Variants in PEAK1 observed in about 807,000 individuals in gnomAD.
PEAK1 encodes inactive tyrosine-protein kinase PEAK1.
A neutral mutation model predicts 124.7 loss-of-function variants in PEAK1; 54 were observed. The ratio of observed to expected loss-of-function variants is 0.43; its 90% CI spans 0.35 to 0.54. The LOEUF is 0.54. Ranked by LOEUF, PEAK1 falls within the 20% of genes least tolerant of loss-of-function variation. PEAK1 has a pLI of 0.01. For missense variants in PEAK1, 2,046 were observed against 2,134.5 expected (o/e 0.96, Z 0.82); for synonymous variants, 719 against 760.0 (o/e 0.95, Z 0.89).
At chr15:77,247,555 C>T (rs1204700212) in intron 6 of PEAK1, among the ~76,000 whole-genome samples, 5 of 134,174 alleles carry the variant, frequency 3.7e-5, no homozygotes, top group Non-Finnish European at 6.2e-5. Context: ...ATGGCACAAC[C>T]TCCACCTCCT....
rs1255975095 is a variant in PEAK1 at position 77,111,172 on chromosome 15, A to G, written c.*2984T>C. The G allele has an allele frequency of 2.0e-5, 3 of 152,266 alleles. No individual in the cohort carries two copies. The highest frequency in any genetic ancestry group is 4.8e-5 in the African/African-American group (2 of 41,476). 9.4% of individuals were successfully genotyped at this position (152,266 alleles called of 1,614,324 possible). A position where few individuals can be genotyped will look rare whatever the true frequency, so the allele number is the denominator to read the frequency against. ...CAATTTCCAATCAATATTGAAGGCA[A>G]TAACTTCCTGTTACTTGAGAAAATG... is the stretch of plus-strand genomic sequence containing the variant. On this transcript the variant is annotated 3_prime_UTR_variant, in exon 10 of 10. Transcript: ENST00000682557.
At chr15:77,417,806 G>A (rs2073010527) in intron 1 of PEAK1, 1 of 985,272 alleles carries the variant, frequency 1.0e-6, no homozygotes, top group African/African-American at 1.7e-5. Flanking sequence ...CAATTTAGAA[G>A]AGTTATTATA....
intron 6 of PEAK1, among the ~76,000 whole-genome samples, chr15:77,199,628 A>G (rs1017363586): frequency 2.0e-4 from 31 of 152,240 alleles, no homozygotes; most frequent in African/African-American, 7.5e-4. Context: ...GAGTTAATCA[A>G]AGAAATCATG....
chr15:77,192,680 A>G (rs2057896596), intron 6 of PEAK1, among the ~76,000 whole-genome samples: 1 of 152,326 alleles, frequency 6.6e-6, no homozygotes, highest in South Asian at 2.1e-4. Flanking sequence ...TGGGTGCCAG[A>G]GCACTAGGAG....
intron 6 of PEAK1, among the ~76,000 whole-genome samples, chr15:77,188,152 A>T (rs1406833317): frequency 1.3e-5 from 2 of 152,342 alleles, no homozygotes; most frequent in African/African-American, 4.8e-5. Flanking sequence ...TGAAAAAAAA[A>T]ATTATCATTC....
chr15:77,364,995 T>C (rs556564870), intron 2 of PEAK1, among the ~76,000 whole-genome samples, 168 bp downstream of exon 2: 27 of 152,356 alleles, frequency 1.8e-4, no homozygotes, highest in African/African-American at 6.3e-4. Context: ...TTCAAATGTC[T>C]TATAAACATG....
At chr15:77,144,090 G>A (rs1038780018) in intron 8 of PEAK1, among the ~76,000 whole-genome samples, 2 of 152,188 alleles carry the variant, frequency 1.3e-5, no homozygotes, top group Non-Finnish European at 2.9e-5. Flanking sequence ...ACAAGGGAGA[G>A]AAGGTCTATC....
chr15:77,351,915 A>C, intron 2 of PEAK1: 3 of 985,374 alleles, frequency 3.0e-6, no homozygotes, highest in Non-Finnish European at 3.6e-6. Flanking sequence ...AGTCTGGTAG[A>C]CCTATTATAA....
intron 2 of PEAK1, chr15:77,352,856 A>T: frequency 4.1e-6 from 4 of 985,444 alleles, no homozygotes; most frequent in Non-Finnish European, 4.8e-6. Flanking sequence ...TGTTAAAAAA[A>T]ACAAAAAAAG....
intron 9 of PEAK1, among the ~76,000 whole-genome samples, chr15:77,127,767 T>C (rs879560820): frequency 2.0e-5 from 3 of 152,102 alleles, no homozygotes; most frequent in Non-Finnish European, 4.4e-5. Context: ...CTTGGAAAAT[T>C]TGCAGTCTAT....
chr15:77,126,414 TAA>T (rs1402131217), intron 9 of PEAK1, among the ~76,000 whole-genome samples: 5 of 152,154 alleles, frequency 3.3e-5, no homozygotes, highest in Non-Finnish European at 7.4e-5. Context: ...CTTTCTCTCA[TAA>T]TTTTAAGGAA....
At chr15:77,314,734 G>A (rs2064765441) in intron 2 of PEAK1, among the ~76,000 whole-genome samples, 1 of 152,034 alleles carries the variant, frequency 6.6e-6, no homozygotes, top group Non-Finnish European at 1.5e-5. Flanking sequence ...CTTGGTTGAT[G>A]GCCTTAATAT....
chr15:77,381,038 C>T (rs1351318086), intron 1 of PEAK1, among the ~76,000 whole-genome samples: 2 of 152,194 alleles, frequency 1.3e-5, no homozygotes, highest in Non-Finnish European at 2.9e-5. Context: ...CTTGGCTCCC[C>T]AGCACTTCCC....
intron 6 of PEAK1, among the ~76,000 whole-genome samples, chr15:77,227,337 A>G (rs978889674): frequency 6.6e-6 from 1 of 152,198 alleles, no homozygotes; most frequent in Non-Finnish European, 1.5e-5. Context: ...GGAGTAGTAT[A>G]AGTAACACAG....
At position 77,378,188 on chromosome 15, in the gene PEAK1, T is replaced by TTATATATATATATA. The variant is rs758426465; in HGVS notation, c.-665-12977_-665-12964dup. Among the ~76,000 whole-genome samples, 937 of 129,650 alleles carry TTATATATATATATA rather than the reference T, an allele frequency of 7.2e-3. 4 individuals carry two copies. Among genetic ancestry groups the TTATATATATATATA allele is most frequent in the East Asian group, 0.014 (67 of 4,750 alleles). 85.1% of individuals were successfully genotyped at this position (129,650 alleles called of 152,430 possible). On this transcript the variant is annotated intron_variant, in intron 1 of 9. Transcript: ENST00000682557. ...ACTGCACTGACTCTGTATAACAATA[T>TTATATATATATATA]TATATATATATATATATATACATAA... is the stretch of plus-strand genomic sequence containing the variant.
chr15:77,218,893 G>C (rs945733668), intron 6 of PEAK1, among the ~76,000 whole-genome samples: 1 of 152,116 alleles, frequency 6.6e-6, no homozygotes, highest in Admixed American at 6.6e-5. Flanking sequence ...GAGTGTGGGG[G>C]TGGTGTGGAG....
intron 1 of PEAK1, chr15:77,418,236 A>G (rs1457042132): frequency 2.0e-6 from 2 of 985,432 alleles, no homozygotes; most frequent in African/African-American, 1.7e-5. Context: ...TTCCAACCCT[A>G]GAACACAGCC....
At chr15:77,361,895 C>T (rs2067911742) in intron 2 of PEAK1, among the ~76,000 whole-genome samples, 1 of 150,062 alleles carries the variant, frequency 6.7e-6, no homozygotes, top group Non-Finnish European at 1.5e-5. Context: ...GCTATCTAGT[C>T]ATGAAGAAAA....
intron 2 of PEAK1, among the ~76,000 whole-genome samples, chr15:77,323,038 G>C (rs972603242): frequency 3.3e-5 from 5 of 152,064 alleles, no homozygotes; most frequent in Non-Finnish European, 4.4e-5. Flanking sequence ...AAAACCACAT[G>C]ATTATCTCAA....
Sources: allele counts gnomAD v4.1 joint callset (sites outside exome capture counted in the v4.1 genomes callset), GRCh38; gene constraint gnomAD v4.1.1; transcripts MANE v1.5; gene names NCBI Gene and HGNC (gene_info 2026-07-23, HGNC 2026-07-21).